LIG1: variants seen among roughly 807,000 people sequenced by gnomAD.
LIG1 encodes ligase I, DNA, ATP-dependent.
Under a neutral mutation model 115.7 loss-of-function variants are expected in LIG1, and 70 were observed. The ratio of observed to expected loss-of-function variants is 0.60; its 90% CI spans 0.50 to 0.74. The LOEUF (loss-of-function observed/expected upper bound fraction) is 0.74. LIG1 is among the 30% of genes least tolerant of loss of function. LIG1 has a pLI of 0.00. For missense variants in LIG1, 1,115 were observed against 1,225.6 expected (o/e 0.91, Z 1.35); for synonymous variants, 487 against 495.3 (o/e 0.98, Z 0.22).
At chr19:48,119,529 C>CTTTTTT (rs71334267) in intron 24 of LIG1, among the ~76,000 whole-genome samples, 4 of 67,978 alleles carry the variant, frequency 5.9e-5, no homozygotes, top group African/African-American at 2.7e-4. Flanking sequence ...CACTTCCAGT[C>CTTTTTT]TTTTTTTTTT....
At position 48,117,747 on chromosome 19, in the gene LIG1, C is replaced by T. The variant is rs1302418104; in HGVS notation, c.2474G>A (p.Arg825Gln). ...GTCGGGAATCACAGCGCCATCTATC[C>T]GCACGTAAGGGCGTGGGCTGGGCAG... is the stretch of plus-strand genomic sequence containing the variant. The part of the protein sequence containing the change: ...LVLPSPRPYV[R>Q]IDGAVIPDHW... Residue 825 changes from arginine to glutamine, a missense_variant, in exon 26 of 28, where the codon CGG (arginine) becomes CAG (glutamine). Physicochemically the swap from Arg to Gln is conservative, Grantham distance 43. Coordinates refer to ENST00000263274, the MANE Select transcript of LIG1 (RefSeq NM_000234.3). 3.7e-6 allele frequency: 6 copies of T among 1,613,048 alleles called. No individual in the cohort carries two copies. Among genetic ancestry groups the T allele is most frequent in the East Asian group, 2.2e-5 (1 of 44,882 alleles).
chr19:48,115,988 C>A, intron 26 of LIG1, 23 bp from the exon 27 acceptor site: 2 of 1,587,072 alleles, frequency 1.3e-6, no homozygotes, highest in Non-Finnish European at 1.7e-6. Flanking sequence ...GATGGAGACT[C>A]CTGCGGTCCA....
chr19:48,115,890 CCTGCTCCGG>C lies in LIG1; in HGVS notation c.2650_2658del (p.Pro884_Gln886del). The C allele has an allele frequency of 6.2e-7, 1 of 1,613,880 alleles. No homozygotes were observed. Among genetic ancestry groups the C allele is most frequent in the Non-Finnish European group, 8.5e-7 (1 of 1,179,900 alleles). ...GACCTCACCTGAGCACTGGTGGTGG[CCTGCTCCGG>C]CTGCTTGTCTTCACGGACTCGAATA... On this transcript the variant is annotated inframe_deletion, in exon 27 of 28. Coordinates refer to ENST00000263274, the MANE Select transcript of LIG1 (RefSeq NM_000234.3).
At chr19:48,168,526 C>A (rs1434790884) in intron 1 of LIG1, among the ~76,000 whole-genome samples, 1 of 152,120 alleles carries the variant, frequency 6.6e-6, no homozygotes, top group Non-Finnish European at 1.5e-5. Context: ...GGAACGGCAA[C>A]CCCACTTCTG....
In LIG1 at chr19:48,162,393, C is replaced by T. The variant is rs754625046; in HGVS notation, c.18-42G>A. 9 of 1,362,818 alleles carry T rather than the reference C, an allele frequency of 6.6e-6. No individual in the cohort carries two copies. The South Asian group carries it at 1.0e-4, about 16-fold the overall frequency. The allele number at this position is 1,362,818 out of a possible 1,614,324, so 84.4% of individuals were successfully genotyped here. A position where few individuals can be genotyped will look rare whatever the true frequency, so the allele number is the denominator to read the frequency against. ...GGGGGTAAAAAAAGGAGAATAACAGCACCAATACCCTGCCTATCTATGCTG... is the reference window on the plus strand; with the variant it reads ...GGGGGTAAAAAAAGGAGAATAACAGTACCAATACCCTGCCTATCTATGCTG... On this transcript the variant is annotated intron_variant, in intron 2 of 27. Coordinates refer to ENST00000263274, the MANE Select transcript of LIG1 (RefSeq NM_000234.3).
rs563601144 is a variant in LIG1 at position 48,122,023 on chromosome 19, C to T, written c.2233-701G>A. ...GCTCAGCCCTGGGGGCACAACAGTG[C>T]TATTTCCTGAGACAGGAAAGGTCTG... is the stretch of plus-strand genomic sequence containing the variant. On this transcript the variant is annotated intron_variant, in intron 23 of 27. Transcript: ENST00000263274. This position sits in a 1 kb window ranked among gnomAD's most constrained non-coding sequence, Gnocchi z 4.3. Among the ~76,000 whole-genome samples, 22 of 152,340 alleles carry T rather than the reference C, an allele frequency of 1.4e-4. No individual in the cohort carries two copies. The highest frequency in any genetic ancestry group is 5.1e-4 in the African/African-American group (21 of 41,584).
At chr19:48,121,491 G>C (rs2033270979) in intron 23 of LIG1, among the ~76,000 whole-genome samples, 169 bp from the exon 24 acceptor site, 1 of 152,124 alleles carries the variant, frequency 6.6e-6, no homozygotes, top group Non-Finnish European at 1.5e-5. Context: ...ACATGGGAAG[G>C]GTTTCTAGGT....
At chr19:48,132,941 G>A (rs748186550) in intron 18 of LIG1, 41 bp downstream of exon 18, 9 of 1,449,444 alleles carry the variant, frequency 6.2e-6, no homozygotes, top group East Asian at 4.5e-5. Context: ...GCTCTTTGAC[G>A]TTTTCCTGTC....
intron 1 of LIG1, among the ~76,000 whole-genome samples, chr19:48,167,898 C>G (rs1319496255): frequency 6.6e-6 from 1 of 151,192 alleles, no homozygotes; most frequent in Non-Finnish European, 1.5e-5. Flanking sequence ...TTCTCAGGGC[C>G]AGTTGGGGAG....
chr19:48,123,352 A>G, intron 21 of LIG1, 34 bp from the exon 22 acceptor site: 1 of 1,608,136 alleles, frequency 6.2e-7, no homozygotes, highest in Non-Finnish European at 8.5e-7. Flanking sequence ...GAGATGAGAC[A>G]TCTTTGTGAG....
chr19:48,144,735 C>T (rs548824343), intron 9 of LIG1, among the ~76,000 whole-genome samples: 17 of 152,232 alleles, frequency 1.1e-4, no homozygotes, highest in African/African-American at 3.9e-4. Context: ...AACTCCTGAC[C>T]TCAAATGATC....
At chr19:48,159,337 T>C (rs906426320) in intron 4 of LIG1, among the ~76,000 whole-genome samples, 2 of 151,516 alleles carry the variant, frequency 1.3e-5, no homozygotes, top group Non-Finnish European at 2.9e-5. Context: ...CCCAAAGTGT[T>C]GGGATTACAG....
At chr19:48,138,015 G>A (rs2034509132) in intron 12 of LIG1, 1 of 443,654 alleles carries the variant, frequency 2.3e-6, no homozygotes, top group Middle Eastern at 5.5e-4. Flanking sequence ...AAGGTCACTA[G>A]GGAAGTGAGT....
chr19:48,125,448 A>C (rs1269238617), intron 21 of LIG1, among the ~76,000 whole-genome samples: 5 of 152,198 alleles, frequency 3.3e-5, no homozygotes, highest in Admixed American at 3.3e-4. Context: ...GCATCTCTGC[A>C]TTAGAACCAC....
Position 48,165,542 on chromosome 19 carries a change from G to T in LIG1, c.17+8C>A, listed in dbSNP as rs202166323. 6 of 1,605,940 alleles carry T rather than the reference G, an allele frequency of 3.7e-6. No individual in the cohort carries two copies. The highest frequency in any genetic ancestry group is 5.1e-6 in the Non-Finnish European group (6 of 1,172,548). Reference sequence around the variant, plus strand: ...AGGAAAGACTCAGGGGCAAGGGAGGGTGCTCACATGATACTTCGCTGCATG... The same window carrying T: ...AGGAAAGACTCAGGGGCAAGGGAGGTTGCTCACATGATACTTCGCTGCATG... On this transcript the variant is annotated splice_region_variant and intron_variant, in intron 2 of 27. Transcript: ENST00000263274.
intron 2 of LIG1, among the ~76,000 whole-genome samples, chr19:48,163,886 A>G (rs1467979901): frequency 2.0e-5 from 3 of 150,274 alleles, no homozygotes; most frequent in Admixed American, 6.7e-5. Flanking sequence ...CAGAGCTTAC[A>G]GTGAGCCAAG....
At chr19:48,150,046 C>A (rs1272430265) in intron 8 of LIG1, 42 bp downstream of exon 8, 2 of 1,613,668 alleles carry the variant, frequency 1.2e-6, no homozygotes, top group Non-Finnish European at 1.7e-6. Context: ...CAGCCTCCTG[C>A]CTGTACAACC....
chr19:48,132,868 A>G (rs1220827934), intron 18 of LIG1, 114 bp downstream of exon 18: 1 of 707,628 alleles, frequency 1.4e-6, no homozygotes, highest in Non-Finnish European at 2.6e-6. Flanking sequence ...GAGATGAGCG[A>G]GGGCTCGGCA....
intron 16 of LIG1, 21 bp downstream of exon 16, chr19:48,135,659 C>T: frequency 6.2e-7 from 1 of 1,601,836 alleles, no homozygotes; most frequent in Non-Finnish European, 8.6e-7. Context: ...CTGGCAACTC[C>T]ACCCACTGCC....
Sources: gnomAD v4.1 joint callset for allele counts (sites outside exome capture counted in the v4.1 genomes callset) on GRCh38, gnomAD v4.1.1 for gene constraint, Gnocchi (gnomAD v3.1) non-coding constraint, MANE v1.5 for transcripts, NCBI Gene and HGNC (gene_info 2026-07-23, HGNC 2026-07-21) for gene names.